Variants in RAD21L1 observed in about 807,000 individuals in gnomAD.
The protein encoded by RAD21L1 is RAD21 cohesin complex component like 1, also known as double-strand-break repair protein rad21-like protein 1.
RAD21L1 carries 47 observed loss-of-function variants against 69.0 expected under a neutral mutation model. The observed-to-expected ratio is 0.68, with a 90% CI of 0.54 to 0.87. The LOEUF (loss-of-function observed/expected upper bound fraction) is 0.87, where lower values mean the gene tolerates loss of function less well. RAD21L1 is among the 40% of genes least tolerant of loss of function. The probability of loss-of-function intolerance (pLI) is 0.00; values close to 1 mark genes in which losing one functional copy is unlikely to be tolerated. For missense variants in RAD21L1, 583 were observed against 647.6 expected (o/e 0.90, Z 1.08); for synonymous variants, 177 against 205.8 (o/e 0.86, Z 1.20).
At chr20:1,237,997 A>C (rs2087534454) in intron 5 of RAD21L1, 47 bp from the exon 6 acceptor site, 1 of 1,069,530 alleles carries the variant, frequency 9.3e-7, no homozygotes. Context: ...CTAACCCTAT[A>C]ATTCTGTGTT....
chr20:1,254,028 T>C (rs1418640538), intron 13 of RAD21L1, among the ~76,000 whole-genome samples: 1 of 152,242 alleles, frequency 6.6e-6, no homozygotes, highest in East Asian at 1.9e-4. Flanking sequence ...TAACACATTA[T>C]AAATTTATAT....
At chr20:1,243,776 C>G (rs957712850) in intron 10 of RAD21L1, among the ~76,000 whole-genome samples, 2 of 152,132 alleles carry the variant, frequency 1.3e-5, no homozygotes, top group African/African-American at 4.8e-5. Context: ...TGGGCTTGAA[C>G]TGTCCATGTT....
At chr20:1,249,004 C>T (rs2087772797) in intron 13 of RAD21L1, among the ~76,000 whole-genome samples, 1 of 152,098 alleles carries the variant, frequency 6.6e-6, no homozygotes, top group African/African-American at 2.4e-5. Flanking sequence ...TAGTTTATAG[C>T]AGTTCAAGAG....
chr20:1,229,230 A>C (rs1454173914), intron 2 of RAD21L1, among the ~76,000 whole-genome samples: 1 of 152,196 alleles, frequency 6.6e-6, no homozygotes, highest in Non-Finnish European at 1.5e-5. Context: ...GAGTTGGTCA[A>C]ATTTATATTT....
intron 10 of RAD21L1, among the ~76,000 whole-genome samples, chr20:1,243,829 T>C (rs1397508467): frequency 6.6e-6 from 1 of 151,882 alleles, no homozygotes. Flanking sequence ...GAGGAGATGG[T>C]TGGCAGAGAA....
In RAD21L1 at chr20:1,246,526, T is replaced by C. The variant is rs1206243811; in HGVS notation, c.1401+221T>C. Among the ~76,000 whole-genome samples the C allele has an allele frequency of 6.6e-6, 1 of 152,198 alleles. No homozygotes were observed. Among genetic ancestry groups the C allele is most frequent in the African/African-American group, 2.4e-5 (1 of 41,462 alleles). On this transcript the variant is annotated intron_variant, in intron 12 of 13. Coordinates refer to ENST00000683101, the MANE Select transcript of RAD21L1 (RefSeq NM_001384355.1). The surrounding 1 kb of genome is among the most constrained non-coding windows in gnomAD (Gnocchi z 4.6). Reference sequence around the variant, plus strand: ...CTTTAATTTCTTTTGAAACTTCAAATACTTTTAAGGGAAAGTGTGAGGTTT... The same window carrying C: ...CTTTAATTTCTTTTGAAACTTCAAACACTTTTAAGGGAAAGTGTGAGGTTT...
In RAD21L1 at chr20:1,246,376, T is replaced by C; in HGVS notation, c.1401+71T>C. On this transcript the variant is annotated intron_variant, in intron 12 of 13. Transcript: ENST00000683101. This position sits in a 1 kb window ranked among gnomAD's most constrained non-coding sequence, Gnocchi z 4.6. ...CTAAATATTTAACACCTTATTTATC[T>C]AAAACTTGGCTTTTATAGCTGTCAT... The C allele has an allele frequency of 3.0e-6, 2 of 661,138 alleles. No individual in the cohort carries two copies. The highest frequency in any genetic ancestry group is 4.6e-6 in the Non-Finnish European group (2 of 430,820). The allele number at this position is 661,138 out of a possible 1,614,324, so 41.0% of individuals were successfully genotyped here. A position where few individuals can be genotyped will look rare whatever the true frequency, so the allele number is the denominator to read the frequency against.
At chr20:1,231,641 C>A in intron 4 of RAD21L1, 22 bp downstream of exon 4, 2 of 1,159,080 alleles carry the variant, frequency 1.7e-6, no homozygotes, top group Non-Finnish European at 2.5e-6. Context: ...TATTTATTTT[C>A]CTTCGATTTA....
chr20:1,248,804 A>T (rs2087769615), intron 13 of RAD21L1, 101 bp downstream of exon 13: 2 of 682,512 alleles, frequency 2.9e-6, no homozygotes, highest in East Asian at 6.1e-5. Context: ...AATTTTCCTT[A>T]TTTTTTTGAG....
intron 8 of RAD21L1, among the ~76,000 whole-genome samples, chr20:1,241,270 G>T (rs2087601969): frequency 6.6e-6 from 1 of 152,220 alleles, no homozygotes; most frequent in African/African-American, 2.4e-5. Context: ...AGTCATGCAA[G>T]TGAATATAAT....
intron 12 of RAD21L1, among the ~76,000 whole-genome samples, chr20:1,247,475 C>G (rs1048699930): frequency 2.0e-5 from 3 of 151,848 alleles, no homozygotes; most frequent in Non-Finnish European, 4.4e-5. Context: ...AAGGAGAGAC[C>G]AGAAAAGAAT....
At chr20:1,249,170 G>A (rs1296704593) in intron 13 of RAD21L1, among the ~76,000 whole-genome samples, 1 of 152,118 alleles carries the variant, frequency 6.6e-6, no homozygotes, top group East Asian at 1.9e-4. Flanking sequence ...CTCACCAGAA[G>A]CAACTACATT....
rs188952754 is a variant in RAD21L1 at position 1,255,298 on chromosome 20, A to C, written c.*841A>C. Among the ~76,000 whole-genome samples, 19 of 152,342 alleles carry C rather than the reference A, an allele frequency of 1.2e-4. No individual in the cohort carries two copies. In the East Asian group the frequency reaches 3.7e-3, roughly 29 times the overall value. On this transcript the variant is annotated 3_prime_UTR_variant, in exon 14 of 14. Transcript: ENST00000683101. ...TCATGTTGTTTGCAGCTACGGTCTG[A>C]GTAAAGATCACCAAAATAAATGTTC...
intron 4 of RAD21L1, among the ~76,000 whole-genome samples, chr20:1,233,210 A>G (rs1344889676): frequency 6.6e-6 from 1 of 152,208 alleles, no homozygotes; most frequent in Non-Finnish European, 1.5e-5. Flanking sequence ...TCTGAAATTC[A>G]GGAGAGAGGT....
Position 1,246,919 on chromosome 20 carries a change from A to G in RAD21L1, c.1401+614A>G, listed in dbSNP as rs2122139412. 6.6e-6 allele frequency among the ~76,000 whole-genome samples: 1 copy of G among 152,310 alleles called. No individual in the cohort carries two copies. The highest frequency in any genetic ancestry group is 2.1e-4 in the South Asian group (1 of 4,824). Reference sequence around the variant, plus strand: ...TTTAAGATTGTAAGGAATTTTAGTAAAAGTTTTTTAGTAAATAATATAAAA... The same window carrying G: ...TTTAAGATTGTAAGGAATTTTAGTAGAAGTTTTTTAGTAAATAATATAAAA... On this transcript the variant is annotated intron_variant, in intron 12 of 13. Coordinates refer to ENST00000683101, the MANE Select transcript of RAD21L1 (RefSeq NM_001384355.1). This position sits in a 1 kb window ranked among gnomAD's most constrained non-coding sequence, Gnocchi z 4.6.
chr20:1,243,929 G>C (rs2087669944), intron 10 of RAD21L1, 117 bp from the exon 11 acceptor site: 5 of 849,826 alleles, frequency 5.9e-6, no homozygotes, highest in Admixed American at 2.8e-5. Context: ...TGTATCCTTT[G>C]CTTAAATTCT....
chr20:1,236,037 G>C (rs1341151329), intron 5 of RAD21L1, among the ~76,000 whole-genome samples: 5 of 152,076 alleles, frequency 3.3e-5, no homozygotes, highest in Non-Finnish European at 7.4e-5. Flanking sequence ...CAAAGTGCTG[G>C]GATTGCAGGC....
chr20:1,232,328 G>A (rs1568516062), intron 4 of RAD21L1, among the ~76,000 whole-genome samples: 1 of 152,314 alleles, frequency 6.6e-6, no homozygotes, highest in East Asian at 1.9e-4. Context: ...ACACAGGAAG[G>A]TTTTGAATAG....
chr20:1,253,189 G>C (rs561486113), intron 13 of RAD21L1, among the ~76,000 whole-genome samples: 2 of 152,330 alleles, frequency 1.3e-5, no homozygotes, highest in South Asian at 4.1e-4. Context: ...TTTGTTGACT[G>C]TTATGGACAA....
Sources: allele counts gnomAD v4.1 joint callset (sites outside exome capture counted in the v4.1 genomes callset), GRCh38; gene constraint gnomAD v4.1.1; non-coding constraint Gnocchi (gnomAD v3.1); transcripts MANE v1.5; gene names NCBI Gene and HGNC (gene_info 2026-07-23, HGNC 2026-07-21).